Variants in QRFP observed in about 807,000 individuals in gnomAD.
The protein encoded by QRFP is orexigenic neuropeptide QRFP.
QRFP carries 7 observed loss-of-function variants against 9.1 expected under a neutral mutation model. The ratio of observed to expected loss-of-function variants is 0.77; its 90% CI spans 0.44 to 1.45. QRFP has a LOEUF of 1.45. Ranked by LOEUF, QRFP falls within the 40% of genes most tolerant of loss-of-function variation. The pLI is 0.01. For missense variants in QRFP, 204 were observed against 185.4 expected, an observed-to-expected ratio of 1.10 and a Z score of -0.58; for synonymous variants, 91 against 80.2, an observed-to-expected ratio of 1.13 and a Z score of -0.72.
Position 130,895,747 on chromosome 9 carries a change from C to T in QRFP, c.-51G>A, listed in dbSNP as rs930343451. ...AGGCTGGCTGGTGGATCGCTGGGCT[C>T]CGGGGCTGGGCTGGGCAGAGCTGCT... On this transcript the variant is annotated 5_prime_UTR_variant, in exon 2 of 3. Transcript: ENST00000623824. 6.5e-6 allele frequency: 1 copy of T among 153,550 alleles called. No individual in the cohort carries two copies. Among genetic ancestry groups the T allele is most frequent in the African/African-American group, 2.4e-5 (1 of 41,452 alleles). The allele number at this position is 153,550 out of a possible 1,614,324, so 9.5% of individuals were successfully genotyped here. A position where few individuals can be genotyped will look rare whatever the true frequency, so the allele number is the denominator to read the frequency against.
rs1831704278 is a variant in QRFP, at chr9:130,892,996, G to A, written c.*432C>T. 2 of 156,300 alleles carry A rather than the reference G, an allele frequency of 1.3e-5. No homozygotes were observed. The highest frequency in any genetic ancestry group is 4.8e-5 in the African/African-American group (2 of 41,610). 9.7% of individuals were successfully genotyped at this position (156,300 alleles called of 1,614,324 possible). ...TTCAGAACCATCCTCTGTACCCAGT[G>A]GAATGCACTCATTTGCACTCTGATG... On this transcript the variant is annotated 3_prime_UTR_variant, in exon 3 of 3. Transcript: ENST00000623824.
intron 2 of QRFP, among the ~76,000 whole-genome samples, chr9:130,894,807 G>T (rs961598717): frequency 6.6e-6 from 1 of 152,112 alleles, no homozygotes; most frequent in African/African-American, 2.4e-5. Flanking sequence ...GCACTCGGGG[G>T]ATCTGAAACC....
chr9:130,895,244 T>G (rs1831740598), intron 2 of QRFP, among the ~76,000 whole-genome samples: 1 of 152,144 alleles, frequency 6.6e-6, no homozygotes, highest in Non-Finnish European at 1.5e-5. Context: ...TAGGAAGCAC[T>G]TTGCTGACTG....
In QRFP at chr9:130,893,557, G is replaced by A; in HGVS notation, c.282C>T (p.Gly94=). Residue 94 remains glycine, a synonymous_variant, in exon 3 of 3, where the codon GGC becomes GGT. Coordinates refer to ENST00000623824, the MANE Select transcript of QRFP (RefSeq NM_198180.3). ...CAGGGAGGAAGCCGGTGGCCTCACT[G>A]CCTTCGTCCTGCCTCCCGAAGCGGA... is the stretch of plus-strand genomic sequence containing the variant. ...CRFRFGRQDE[G]SEATGFLPAA... The A allele has an allele frequency of 6.2e-7, 1 of 1,612,964 alleles. No homozygotes were observed. The highest frequency in any genetic ancestry group is 1.3e-5 in the African/African-American group (1 of 75,066).
rs1831722053 is a variant in QRFP, at chr9:130,893,799, G to A, written c.40C>T (p.Pro14Ser). ...PYPLIYFLFL[P>S]LGACFPLLDR... The stretch of plus-strand genomic sequence containing the variant: ...AGTAGAGGGAAGCAGGCGCCCAGCG[G>A]CAGGAAGAGGAAGTAGATCAGGGGG... Residue 14 changes from proline to serine, a missense_variant, in exon 3 of 3, where the codon CCG (proline) becomes TCG (serine). Physicochemically the swap from Pro to Ser is moderately conservative, Grantham distance 74 (BLOSUM62 -1). Coordinates refer to ENST00000623824, the MANE Select transcript of QRFP (RefSeq NM_198180.3). 1 of 1,556,722 alleles carries A rather than the reference G, an allele frequency of 6.4e-7. No homozygotes were observed. The highest frequency in any genetic ancestry group is 2.3e-5 in the East Asian group (1 of 43,960).
intron 2 of QRFP, among the ~76,000 whole-genome samples, chr9:130,894,059 C>T (rs1189137085): frequency 6.6e-6 from 1 of 152,238 alleles, no homozygotes; most frequent in Non-Finnish European, 1.5e-5. Context: ...TCCCCACGAT[C>T]TGCGTGCCTG....
At chr9:130,895,662 G>C (rs911785239) in intron 2 of QRFP, 35 bp downstream of exon 2, 1 of 152,698 alleles carries the variant, frequency 6.5e-6, no homozygotes. Context: ...GGCCTGAGCT[G>C]GGGTTCCTGC....
In QRFP at chr9:130,893,612, G is replaced by C. The variant is rs1347308836; in HGVS notation, c.227C>G (p.Thr76Arg). ...GCAGCCAGCATGCTCTCTGCCCGAT[G>C]TCTGCAGCCCCCTGGCTATGACAAG... is the stretch of plus-strand genomic sequence containing the variant. ...ALLVIARGLQ[T>R]SGREHAGCRF... The change falls in exon 3 of 3, where the codon ACA becomes AGA. Residue 76 changes from threonine to arginine, a missense_variant. Transcript: ENST00000623824. 1.9e-6 allele frequency: 3 copies of C among 1,612,118 alleles called. No individual in the cohort carries two copies. In the South Asian group the frequency reaches 3.3e-5, roughly 18 times the overall value.
chr9:130,893,550 C>T lies in QRFP; in HGVS notation c.289G>A (p.Ala97Thr). The change falls in exon 3 of 3, where the codon GCC (alanine) becomes ACC (threonine). Residue 97 changes from alanine (A) to threonine (T), a missense_variant. Coordinates refer to ENST00000623824, the MANE Select transcript of QRFP (RefSeq NM_198180.3). ...CCCGCAGCAGGGAGGAAGCCGGTGG[C>T]CTCACTGCCTTCGTCCTGCCTCCCG... is the stretch of plus-strand genomic sequence containing the variant. Reference protein sequence around the residue: ...RFGRQDEGSEATGFLPAAGEK... With the variant: ...RFGRQDEGSETTGFLPAAGEK... 1 of 1,612,946 alleles carries T rather than the reference C, an allele frequency of 6.2e-7. No homozygotes were observed. Among genetic ancestry groups the T allele is most frequent in the Non-Finnish European group, 8.5e-7 (1 of 1,179,856 alleles).
At position 130,893,658 on chromosome 9, in the gene QRFP, C is replaced by T; in HGVS notation, c.181G>A (p.Ala61Thr). The change falls in exon 3 of 3, where the codon GCT becomes ACT. Residue 61 changes from alanine to threonine, a missense_variant. Ala to Thr is a moderately conservative substitution (Grantham distance 58). Coordinates refer to ENST00000623824, the MANE Select transcript of QRFP (RefSeq NM_198180.3). The stretch of plus-strand genomic sequence containing the variant: ...ACAAGCAGGGCCTGTGGCTGTGAAG[C>T]TCTCAGCCACCGAGAGGAACCCCAC... ...SVWGSSRWLR[A>T]SQPQALLVIA... The T allele has an allele frequency of 6.2e-7, 1 of 1,601,040 alleles. No homozygotes were observed. The highest frequency in any genetic ancestry group is 8.5e-7 in the Non-Finnish European group (1 of 1,172,552).
intron 2 of QRFP, among the ~76,000 whole-genome samples, chr9:130,894,531 G>A (rs1269648874): frequency 6.6e-6 from 1 of 152,142 alleles, no homozygotes; most frequent in African/African-American, 2.4e-5. Context: ...CAGAAAAACT[G>A]AGATTGTGCC....
chr9:130,896,065 CCTTCACCCTAA>C (rs1181617684), intron 1 of QRFP, 84 bp from the exon 2 acceptor site: 3 of 152,214 alleles, frequency 2.0e-5, no homozygotes, highest in African/African-American at 7.2e-5. Flanking sequence ...CCAAGCCCAC[CCTTCACCCTAA>C]GGGTCCTGCC....
chr9:130,893,273 T>C lies in QRFP; in HGVS notation c.*155A>G. 1 of 773,688 alleles carries C rather than the reference T, an allele frequency of 1.3e-6. No homozygotes were observed. The highest frequency in any genetic ancestry group is 3.1e-5 in the Admixed American group (1 of 32,516). The allele number at this position is 773,688 out of a possible 1,614,324, so 47.9% of individuals were successfully genotyped here. ...CTTCAGCAAAGTTGGAAATCAAAAG[T>C]AAGCACACACCTAACCTGTCCTACC... is the stretch of plus-strand genomic sequence containing the variant. On this transcript the variant is annotated 3_prime_UTR_variant, in exon 3 of 3. Coordinates refer to ENST00000623824, the MANE Select transcript of QRFP (RefSeq NM_198180.3).
At chr9:130,894,942 G>T (rs1459639231) in intron 2 of QRFP, among the ~76,000 whole-genome samples, 2 of 152,162 alleles carry the variant, frequency 1.3e-5, no homozygotes, top group Admixed American at 1.3e-4. Flanking sequence ...ACTGAGGCTA[G>T]ACTAGAGAGC....
rs776186889 is a variant in QRFP at position 130,893,818 on chromosome 9, C to G, written c.21G>C (p.Leu7=). The G allele has an allele frequency of 5.2e-6, 8 of 1,546,396 alleles. No homozygotes were observed. The highest frequency in any genetic ancestry group is 2.0e-5 in the Admixed American group (1 of 48,868). ...CCAGCGGCAGGAAGAGGAAGTAGAT[C>G]AGGGGGTAAGGCCTTACCATCTGAC... is the stretch of plus-strand genomic sequence containing the variant. The part of the protein sequence containing the change: MVRPYP[L]IYFLFLPLGA... The change falls in exon 3 of 3, where the codon CTG becomes CTC. Residue 7 remains leucine (L), a synonymous_variant. Coordinates refer to ENST00000623824, the MANE Select transcript of QRFP (RefSeq NM_198180.3).
rs762548618 is a variant in QRFP, at chr9:130,893,444, C to T, written c.395G>A (p.Arg132His). ...CCTGGCCCTTCACCGCCGACCGAAG[C>T]GGAAGCTGAAGCCGCCTTTCTTCCT... is the stretch of plus-strand genomic sequence containing the variant. ...YSRKKGGFSF[R>H]FGRR Residue 132 changes from arginine (R) to histidine (H), a missense_variant, in exon 3 of 3, where the codon CGC (arginine) becomes CAC (histidine). By Grantham distance (29) the Arg-to-His change is conservative. Coordinates refer to ENST00000623824, the MANE Select transcript of QRFP (RefSeq NM_198180.3). The T allele has an allele frequency of 1.8e-5, 28 of 1,585,812 alleles. No homozygotes were observed. The highest frequency in any genetic ancestry group is 4.0e-5 in the African/African-American group (3 of 74,302).
rs1359817981 is a variant in QRFP at position 130,893,362 on chromosome 9, G to C, written c.*66C>G. 7 of 1,469,750 alleles carry C rather than the reference G, an allele frequency of 4.8e-6. No homozygotes were observed. The Admixed American group carries it at 1.4e-4, about 28-fold the overall frequency. The allele number at this position is 1,469,750 out of a possible 1,614,324, so 91.0% of individuals were successfully genotyped here. ...TGTCGTGGTCTTTGAGACTGGGGGA[G>C]AAGGCAGGAGTGAAGACAATGGGGG... On this transcript the variant is annotated 3_prime_UTR_variant, in exon 3 of 3. Coordinates refer to ENST00000623824, the MANE Select transcript of QRFP (RefSeq NM_198180.3).
At position 130,893,410 on chromosome 9, in the gene QRFP, C is replaced by G; in HGVS notation, c.*18G>C. 6.5e-7 allele frequency: 1 copy of G among 1,549,786 alleles called. No individual in the cohort carries two copies. Among genetic ancestry groups the G allele is most frequent in the Non-Finnish European group, 8.7e-7 (1 of 1,144,808 alleles). Reference sequence around the variant, plus strand: ...GGGTGAGTCCAAGAAGCAAATCCTTCCAAGGCGTCCTGGCCCTTCACCGCC... The same window carrying G: ...GGGTGAGTCCAAGAAGCAAATCCTTGCAAGGCGTCCTGGCCCTTCACCGCC... On this transcript the variant is annotated 3_prime_UTR_variant, in exon 3 of 3. Transcript: ENST00000623824.
chr9:130,893,210 C>T lies in QRFP; in HGVS notation c.*218G>A. 6.5e-6 allele frequency: 3 copies of T among 458,706 alleles called. No individual in the cohort carries two copies. The highest frequency in any genetic ancestry group is 1.1e-5 in the Non-Finnish European group (3 of 267,282). The allele number at this position is 458,706 out of a possible 1,614,324, so 28.4% of individuals were successfully genotyped here. On this transcript the variant is annotated 3_prime_UTR_variant, in exon 3 of 3. Coordinates refer to ENST00000623824, the MANE Select transcript of QRFP (RefSeq NM_198180.3). ...GAGAGAGGCTGGGACGACCGAGGCT[C>T]CAAGACAGCCTCCTTTTTGACACTG...
Sources: allele counts gnomAD v4.1 joint callset (sites outside exome capture counted in the v4.1 genomes callset), GRCh38; gene constraint gnomAD v4.1.1; transcripts MANE v1.5; gene names NCBI Gene and HGNC (gene_info 2026-07-23, HGNC 2026-07-21).